Variants in FRMD6 observed in about 807,000 individuals in gnomAD.
FRMD6 encodes the protein FERM domain-containing protein 6.
Under a neutral mutation model 73.2 loss-of-function variants are expected in FRMD6, and 37 were observed. The observed-to-expected ratio is 0.51, with a 90% CI of 0.39 to 0.66. The LOEUF (loss-of-function observed/expected upper bound fraction) is 0.66. FRMD6 is among the 30% of genes least tolerant of loss of function. The probability of loss-of-function intolerance (pLI) is 0.00; values close to 1 mark genes in which losing one functional copy is unlikely to be tolerated. For synonymous variants in FRMD6, 273 were observed against 282.2 expected, an observed-to-expected ratio of 0.97 and a Z score of 0.33; for missense variants, 714 against 780.5, an observed-to-expected ratio of 0.91 and a Z score of 1.02.
chr14:51,619,092 C>T (rs1406820374), intron 2 of FRMD6, among the ~76,000 whole-genome samples: 1 of 151,928 alleles, frequency 6.6e-6, no homozygotes, highest in Non-Finnish European at 1.5e-5. Context: ...TTGCTTTGCA[C>T]ATAACAGAAG....
chr14:51,409,340 CTTTTTT>C, the FRMD6 span, among the ~76,000 whole-genome samples: 37 of 84,148 alleles, frequency 4.4e-4, no homozygotes, highest in African/African-American at 1.4e-3. Context: ...AAGTTTTTTG[CTTTTTT>C]TTTTTTTTTT....
chr14:51,689,651 C>T (rs1895405975), intron 1 of FRMD6, 40 bp from the exon 2 acceptor site: 1 of 598,708 alleles, frequency 1.7e-6, no homozygotes, highest in Non-Finnish European at 3.0e-6. Flanking sequence ...GCAGTCTTCA[C>T]CGCCTTTCTT....
chr14:51,461,589 T>G, the FRMD6 span, among the ~76,000 whole-genome samples: 1 of 152,218 alleles, frequency 6.6e-6, no homozygotes, highest in Non-Finnish European at 1.5e-5. Flanking sequence ...GAGTTACTGG[T>G]CTTTTGATGT....
At chr14:51,448,269 A>G in the FRMD6 span, among the ~76,000 whole-genome samples, 1 of 152,160 alleles carries the variant, frequency 6.6e-6, no homozygotes, top group Non-Finnish European at 1.5e-5. Flanking sequence ...TATTCTCCAT[A>G]TGTCTTTAAC....
At chr14:51,420,341 T>G in the FRMD6 span, among the ~76,000 whole-genome samples, 1 of 152,102 alleles carries the variant, frequency 6.6e-6, no homozygotes, top group Non-Finnish European at 1.5e-5. Context: ...TACAGTACTG[T>G]CTTCATAGTT....
chr14:51,724,231 C>G (rs1897815243), intron 12 of FRMD6: 1 of 151,406 alleles, frequency 6.6e-6, no homozygotes, highest in Non-Finnish European at 1.5e-5. Flanking sequence ...AAACACTCAG[C>G]TAAGATTGAG....
intron 12 of FRMD6, among the ~76,000 whole-genome samples, chr14:51,722,724 A>C (rs1897698253): frequency 1.3e-5 from 2 of 152,218 alleles, no homozygotes; most frequent in Admixed American, 1.3e-4. Flanking sequence ...TTGTTTATAG[A>C]CATCAGTCAG....
chr14:51,717,130 C>A (rs944389880), intron 10 of FRMD6: 1 of 152,170 alleles, frequency 6.6e-6, no homozygotes, highest in Admixed American at 6.5e-5. Flanking sequence ...TCATTGCCAA[C>A]CATAGTACCA....
chr14:51,496,740 C>T (rs1186854781), intron 1 of FRMD6, among the ~76,000 whole-genome samples: 1 of 152,218 alleles, frequency 6.6e-6, no homozygotes, highest in Non-Finnish European at 1.5e-5. Flanking sequence ...TTATAATCCA[C>T]AGGTCTACCA....
the FRMD6 span, among the ~76,000 whole-genome samples, chr14:51,430,427 G>C: frequency 6.6e-6 from 1 of 152,130 alleles, no homozygotes; most frequent in African/African-American, 2.4e-5. Context: ...ACCCACTGCT[G>C]TTAACAATAC....
chr14:51,647,060 T>C (rs138332799), upstream of FRMD6, among the ~76,000 whole-genome samples: 50 of 152,244 alleles, frequency 3.3e-4, no homozygotes, highest in Middle Eastern at 3.4e-3. Flanking sequence ...ATTAAAGCCA[T>C]AATAGAATGG....
chr14:51,516,393 G>A (rs894954500), intron 1 of FRMD6, among the ~76,000 whole-genome samples: 1 of 152,142 alleles, frequency 6.6e-6, no homozygotes. Context: ...ATTCACTTGG[G>A]AATATGACTC....
the FRMD6 span, among the ~76,000 whole-genome samples, chr14:51,413,598 GA>G: frequency 9.3e-4 from 142 of 152,290 alleles, no homozygotes; most frequent in Non-Finnish European, 1.6e-3. Flanking sequence ...TTTACTATGT[GA>G]ATAGTGCTGC....
chr14:51,424,583 C>T, the FRMD6 span, among the ~76,000 whole-genome samples: 1 of 152,176 alleles, frequency 6.6e-6, no homozygotes, highest in Non-Finnish European at 1.5e-5. Flanking sequence ...CAGAAAATGT[C>T]CTCTCTTCTA....
At chr14:51,581,308 T>C (rs1467207870) in intron 2 of FRMD6, among the ~76,000 whole-genome samples, 1 of 152,204 alleles carries the variant, frequency 6.6e-6, no homozygotes, top group Non-Finnish European at 1.5e-5. Flanking sequence ...GGCTCATTCA[T>C]ACATTCATTC....
the FRMD6 span, among the ~76,000 whole-genome samples, chr14:51,460,713 G>A: frequency 2.0e-5 from 3 of 152,220 alleles, no homozygotes; most frequent in East Asian, 3.9e-4. Flanking sequence ...CAAGTGATAT[G>A]TTTCCTGTAC....
At chr14:51,566,639 G>A (rs8012983) in intron 1 of FRMD6, among the ~76,000 whole-genome samples, 56,139 of 151,990 alleles carry the variant, frequency 0.37, 10,503 homozygotes, top group South Asian at 0.41. Flanking sequence ...CACCATCCTC[G>A]AATATGCATT....
At chr14:51,401,478 C>G in the FRMD6 span, among the ~76,000 whole-genome samples, 2 of 152,132 alleles carry the variant, frequency 1.3e-5, no homozygotes, top group Non-Finnish European at 2.9e-5. Context: ...CCTTGGGCAG[C>G]AGTCTGAAAT....
chr14:51,457,608 C>T, the FRMD6 span, among the ~76,000 whole-genome samples: 1 of 152,208 alleles, frequency 6.6e-6, no homozygotes, highest in Admixed American at 6.5e-5. Context: ...GCTGTGCTTT[C>T]TAAGATGCCC....
Sources: gnomAD v4.1 joint callset for allele counts (sites outside exome capture counted in the v4.1 genomes callset) on GRCh38, gnomAD v4.1.1 for gene constraint, MANE v1.5 for transcripts, NCBI Gene and HGNC (gene_info 2026-07-23, HGNC 2026-07-21) for gene names.